MS4A6A: variants seen among roughly 807,000 people sequenced by gnomAD.
MS4A6A encodes the protein membrane-spanning 4-domains subfamily A member 6A.
A neutral mutation model predicts 20.6 loss-of-function variants in MS4A6A; 19 were observed. The observed-to-expected ratio is 0.92, with a 90% CI of 0.64 to 1.36. MS4A6A has a LOEUF of 1.36. Among genes scored for constraint, MS4A6A ranks in the 40% most tolerant of loss-of-function variants. MS4A6A has a pLI of 0.00. For synonymous variants in MS4A6A, 108 were observed against 105.0 expected (o/e 1.03, Z -0.17); for missense variants, 272 against 261.1 (o/e 1.04, Z -0.29).
intron 2 of MS4A6A, chr11:60,180,767 A>G (rs1857095638): frequency 3.6e-6 from 1 of 281,012 alleles, no homozygotes; most frequent in Admixed American, 4.8e-5. Flanking sequence ...CAAATACTGC[A>G]TGTTCTCATG....
chr11:60,176,603 T>C (rs756652225), intron 4 of MS4A6A, among the ~76,000 whole-genome samples: 1 of 152,184 alleles, frequency 6.6e-6, no homozygotes, highest in African/African-American at 2.4e-5. Context: ...TAATCCCACA[T>C]GGGCACTTCT....
intron 4 of MS4A6A, among the ~76,000 whole-genome samples, chr11:60,175,915 C>T (rs1478327463): frequency 6.6e-6 from 1 of 152,150 alleles, no homozygotes; most frequent in Non-Finnish European, 1.5e-5. Flanking sequence ...GAGGCTTTAC[C>T]TGCAACATTA....
intron 2 of MS4A6A, 123 bp from the exon 3 acceptor site, chr11:60,180,088 C>G: frequency 3.1e-6 from 3 of 955,480 alleles, no homozygotes; most frequent in Non-Finnish European, 4.7e-6. Context: ...GGATACAAAC[C>G]CTGTGGAAAC....
downstream of MS4A6A, chr11:60,172,138 T>A (rs1387684417): frequency 6.2e-7 from 1 of 1,604,616 alleles, no homozygotes; most frequent in African/African-American, 1.3e-5. Flanking sequence ...ACTTTCTGAT[T>A]AATATTTCTC....
At chr11:60,180,047 T>C (rs777912985) in intron 2 of MS4A6A, 82 bp from the exon 3 acceptor site, 23 of 1,365,974 alleles carry the variant, frequency 1.7e-5, no homozygotes, top group East Asian at 2.3e-5. Context: ...ATGGCACTAA[T>C]GCATTATCGC....
chr11:60,178,545 C>A (rs1856968069), intron 3 of MS4A6A, among the ~76,000 whole-genome samples: 2 of 151,160 alleles, frequency 1.3e-5, no homozygotes, highest in Middle Eastern at 6.8e-3. Context: ...CAAAAAATAT[C>A]CCACTAAACA....
rs755725980 is a variant in MS4A6A, at chr11:60,173,026, AC to A, written c.652del (p.Val218Ter). On this transcript the variant is annotated frameshift_variant, in exon 6 of 6. Coordinates refer to ENST00000528851, the MANE Select transcript of MS4A6A (RefSeq NM_022349.4). LOFTEE classifies it high-confidence loss of function. The stretch of plus-strand genomic sequence containing the variant: ...TTAAGTGAAGCCGGCCAGCACACTC[AC>A]CCCAGGGAAGTCAGAGTAAGCCTGT... ...WKQAYSDFPG[V>X]SVLAGFT 9.4e-5 allele frequency: 152 copies of A among 1,613,900 alleles called. No individual in the cohort carries two copies. Among genetic ancestry groups the A allele is most frequent in the Middle Eastern group, 1.6e-4 (1 of 6,084 alleles).
At position 60,179,634 on chromosome 11, in the gene MS4A6A, GTTTA is replaced by G. The variant is rs2134796682; in HGVS notation, c.282+193_282+196del. 4 of 656,856 alleles carry G rather than the reference GTTTA, an allele frequency of 6.1e-6. No homozygotes were observed. The East Asian group carries it at 8.1e-5, about 13-fold the overall frequency. 40.7% of individuals were successfully genotyped at this position (656,856 alleles called of 1,614,324 possible). The stretch of plus-strand genomic sequence containing the variant: ...GAATAAGATGATCTTCAAAAGAAAT[GTTTA>G]TTTGAGTCTGATAAGAAATTGATCT... On this transcript the variant is annotated intron_variant, in intron 3 of 5. Coordinates refer to ENST00000528851, the MANE Select transcript of MS4A6A (RefSeq NM_022349.4).
chr11:60,180,044 T>G (rs758278290), intron 2 of MS4A6A, 79 bp from the exon 3 acceptor site: 113 of 1,381,404 alleles, frequency 8.2e-5, no homozygotes, highest in Non-Finnish European at 1.1e-4. Context: ...CCCATGGCAC[T>G]AATGCATTAT....
downstream of MS4A6A, chr11:60,172,054 A>T: frequency 1.8e-6 from 2 of 1,128,640 alleles, no homozygotes; most frequent in Non-Finnish European, 2.5e-6. Context: ...TCATTACTTT[A>T]AAAGCTTACA....
intron 4 of MS4A6A, chr11:60,176,907 T>C (rs1393961443): frequency 6.6e-6 from 1 of 152,148 alleles, no homozygotes; most frequent in African/African-American, 2.4e-5. Context: ...CACTGTGGGA[T>C]TGTTCTCTGG....
At chr11:60,176,489 A>C (rs918681678) in intron 4 of MS4A6A, among the ~76,000 whole-genome samples, 9 of 152,200 alleles carry the variant, frequency 5.9e-5, no homozygotes, top group African/African-American at 1.9e-4. Context: ...TTTGTACTCC[A>C]ACTCACACAG....
chr11:60,178,601 A>G (rs1856970688), intron 3 of MS4A6A, among the ~76,000 whole-genome samples: 3 of 152,188 alleles, frequency 2.0e-5, no homozygotes, highest in Admixed American at 1.3e-4. Flanking sequence ...TTTTTTAATA[A>G]AATGAGACAG....
At chr11:60,175,934 G>T (rs1456128142) in intron 4 of MS4A6A, among the ~76,000 whole-genome samples, 1 of 152,188 alleles carries the variant, frequency 6.6e-6, no homozygotes, top group Admixed American at 6.5e-5. Context: ...TACCAAGAGA[G>T]CGTGACCCAA....
At chr11:60,179,436 G>T (rs1003238036) in intron 3 of MS4A6A, 7 of 509,868 alleles carry the variant, frequency 1.4e-5, no homozygotes, top group African/African-American at 3.9e-5. Context: ...CACAAGCATG[G>T]GGGGGATAAC....
chr11:60,178,466 T>A, intron 3 of MS4A6A, 150 bp from the exon 4 acceptor site: 1 of 585,886 alleles, frequency 1.7e-6, no homozygotes. Context: ...CATAGATTTG[T>A]CCCTTTGTCC....
Position 60,183,083 on chromosome 11 carries a change from C to T in MS4A6A, c.-120G>A, listed in dbSNP as rs1358763360. The T allele has an allele frequency of 3.3e-6, 5 of 1,510,370 alleles. No homozygotes were observed. The highest frequency in any genetic ancestry group is 1.4e-5 in the African/African-American group (1 of 71,406). The allele number at this position is 1,510,370 out of a possible 1,614,324, so 93.6% of individuals were successfully genotyped here. ...CTACTTACCTTCATCTTCTGAAAGTCATCAGCCCTTCCTTATTCCAGTGTT... is the reference window on the plus strand; with the variant it reads ...CTACTTACCTTCATCTTCTGAAAGTTATCAGCCCTTCCTTATTCCAGTGTT... On this transcript the variant is annotated 5_prime_UTR_variant, in exon 1 of 6. Coordinates refer to ENST00000528851, the MANE Select transcript of MS4A6A (RefSeq NM_022349.4).
At chr11:60,183,217 A>G (rs1351648832), upstream of MS4A6A, 1 of 1,529,268 alleles carries the variant, frequency 6.5e-7, no homozygotes, top group South Asian at 1.2e-5. Flanking sequence ...AAAAGAGCCA[A>G]CTAATATTTG....
chr11:60,175,447 A>ATCGTGGTATAAAGTGAG lies in MS4A6A; in HGVS notation c.503_504insCTCACTTTATACCACGA (p.Asp174IlefsTer21). On this transcript the variant is annotated frameshift_variant, in exon 5 of 6. Transcript: ENST00000528851. LOFTEE classifies it high-confidence loss of function. ...TATAGCAGTCCGTGGTATAAAGTGA[A>ATCGTGGTATAAAGTGAG]TCATGATAAAAGTAAGAAACATAAC... is the stretch of plus-strand genomic sequence containing the variant. 1 of 1,614,180 alleles carries ATCGTGGTATAAAGTGAG rather than the reference A, an allele frequency of 6.2e-7. No individual in the cohort carries two copies. The highest frequency in any genetic ancestry group is 2.2e-5 in the East Asian group (1 of 44,882).
Sources: gnomAD v4.1 joint callset for allele counts (sites outside exome capture counted in the v4.1 genomes callset) on GRCh38, gnomAD v4.1.1 for gene constraint, MANE v1.5 for transcripts, NCBI Gene and HGNC (gene_info 2026-07-23, HGNC 2026-07-21) for gene names.